BTBD9: variants seen among roughly 807,000 people sequenced by gnomAD.
The protein encoded by BTBD9 is BTB domain containing 9, also known as BTB/POZ domain-containing protein 9.
Under a neutral mutation model 64.3 loss-of-function variants are expected in BTBD9, and 49 were observed. The observed-to-expected ratio is 0.76, with a 90% CI of 0.61 to 0.97. BTBD9 has a LOEUF of 0.97. Ranked by LOEUF, BTBD9 falls within the 50% of genes least tolerant of loss-of-function variation. The pLI, the probability that BTBD9 is intolerant of heterozygous loss-of-function variation, is 0.00. For synonymous variants in BTBD9, 260 were observed against 274.7 expected (o/e 0.95, Z 0.53); for missense variants, 598 against 762.1 (o/e 0.78, Z 2.53).
chr6:38,412,767 G>A (rs1562148350), intron 6 of BTBD9, among the ~76,000 whole-genome samples: 2 of 152,188 alleles, frequency 1.3e-5, no homozygotes, highest in South Asian at 2.1e-4. Flanking sequence ...GCTGAGGCTG[G>A]AGAATCACCT....
chr6:38,406,249 A>G (rs1050959720), intron 6 of BTBD9, among the ~76,000 whole-genome samples: 1 of 152,186 alleles, frequency 6.6e-6, no homozygotes, highest in Non-Finnish European at 1.5e-5. Context: ...AAGAGTAACC[A>G]TAAGGAGCAT....
chr6:38,407,539 T>C (rs1169045094), intron 6 of BTBD9, among the ~76,000 whole-genome samples: 1 of 151,984 alleles, frequency 6.6e-6, no homozygotes, highest in Non-Finnish European at 1.5e-5. Context: ...CCTTGCAGAG[T>C]CTAGCTGGGG....
rs534899699 is a variant in BTBD9, at chr6:38,241,620, C to T, written c.1562+14789G>A. Among the ~76,000 whole-genome samples, 5 of 152,356 alleles carry T rather than the reference C, an allele frequency of 3.3e-5. No individual in the cohort carries two copies. The South Asian group carries it at 1.0e-3, about 32-fold the overall frequency. ...AAATGTGTGCAATTCCAGATGATCA[C>T]CACTCTGAAACTATACTTTAGAACT... is the stretch of plus-strand genomic sequence containing the variant. On this transcript the variant is annotated intron_variant, in intron 9 of 10. Coordinates refer to ENST00000481247, the MANE Select transcript of BTBD9 (RefSeq NM_001099272.2).
At chr6:38,338,421 G>A (rs1355416075) in intron 7 of BTBD9, among the ~76,000 whole-genome samples, 1 of 152,138 alleles carries the variant, frequency 6.6e-6, no homozygotes. Flanking sequence ...CAAAACCACA[G>A]ATAAGGGGGT....
chr6:38,200,353 A>G (rs1762417198), intron 9 of BTBD9, among the ~76,000 whole-genome samples: 1 of 152,260 alleles, frequency 6.6e-6, no homozygotes, highest in Non-Finnish European at 1.5e-5. Flanking sequence ...AATGTACCTC[A>G]AGAAACTAGA....
At chr6:38,504,541 T>C (rs1772375395) in intron 6 of BTBD9, 1 of 456,876 alleles carries the variant, frequency 2.2e-6, no homozygotes. Context: ...CCTCTTCTCC[T>C]GTATCATAGA....
In BTBD9 at chr6:38,192,529, G is replaced by A; in HGVS notation, c.1631C>T (p.Thr544Ile). ...AAAAGAGACCCTTACCTCATTTGCT[G>A]TGTTGTGTGTCCCAACGATACGGAT... Reference protein sequence around the residue: ...SFIRIVGTHNTANEVFHCVHF... With the variant: ...SFIRIVGTHNIANEVFHCVHF... Residue 544 changes from threonine to isoleucine, a missense_variant, in exon 10 of 11, where the codon ACA becomes ATA. Thr to Ile is a moderately conservative substitution (Grantham distance 89). Coordinates refer to ENST00000481247, the MANE Select transcript of BTBD9 (RefSeq NM_001099272.2). The A allele has an allele frequency of 6.2e-7, 1 of 1,613,670 alleles. No homozygotes were observed. Among genetic ancestry groups the A allele is most frequent in the Non-Finnish European group, 8.5e-7 (1 of 1,179,762 alleles).
intron 9 of BTBD9, among the ~76,000 whole-genome samples, chr6:38,201,076 C>T (rs1352013137): frequency 6.6e-6 from 1 of 151,886 alleles, no homozygotes; most frequent in Non-Finnish European, 1.5e-5. Context: ...GGAGGGAATA[C>T]TCCTTAACTC....
At chr6:38,438,116 A>T (rs541726738) in intron 6 of BTBD9, among the ~76,000 whole-genome samples, 1 of 151,664 alleles carries the variant, frequency 6.6e-6, no homozygotes, top group African/African-American at 2.4e-5. Flanking sequence ...ATTTGTAGAA[A>T]GGATCTAGCT....
At chr6:38,282,099 T>C (rs908925890) in intron 8 of BTBD9, among the ~76,000 whole-genome samples, 6 of 152,196 alleles carry the variant, frequency 3.9e-5, no homozygotes, top group Admixed American at 6.5e-5. Context: ...AGAGGGACTA[T>C]AAACTAAGAC....
intron 8 of BTBD9, among the ~76,000 whole-genome samples, chr6:38,273,398 C>T (rs776457215): frequency 5.3e-5 from 8 of 152,186 alleles, no homozygotes; most frequent in Admixed American, 1.3e-4. Flanking sequence ...TCCTGGACTA[C>T]GGTCCAGCTG....
In BTBD9 at chr6:38,168,631, C is replaced by G. The variant is rs1355517398; in HGVS notation, c.*6354G>C. 1 of 152,294 alleles carries G rather than the reference C, an allele frequency of 6.6e-6. No homozygotes were observed. Among genetic ancestry groups the G allele is most frequent in the South Asian group, 2.1e-4 (1 of 4,830 alleles). The allele number at this position is 152,294 out of a possible 1,614,324, so 9.4% of individuals were successfully genotyped here. On this transcript the variant is annotated 3_prime_UTR_variant, in exon 11 of 11. Coordinates refer to ENST00000481247, the MANE Select transcript of BTBD9 (RefSeq NM_001099272.2). ...CCACATAGCAGCACAGCCTTTTGGG[C>G]ATCTTTGGAGTTTTAGACGGAGCTT...
At chr6:38,629,434 A>G (rs1778285695) in intron 1 of BTBD9, among the ~76,000 whole-genome samples, 1 of 152,256 alleles carries the variant, frequency 6.6e-6, no homozygotes, top group Non-Finnish European at 1.5e-5. Flanking sequence ...CAAATGAAGC[A>G]CTGAGAAAAA....
chr6:38,317,247 G>A (rs766621184), intron 7 of BTBD9, among the ~76,000 whole-genome samples: 2 of 151,914 alleles, frequency 1.3e-5, no homozygotes, highest in Admixed American at 6.6e-5. Context: ...TACCAGCCTC[G>A]GCCTCCCAAA....
chr6:38,351,879 T>G (rs1049444647), intron 6 of BTBD9, among the ~76,000 whole-genome samples: 2 of 152,186 alleles, frequency 1.3e-5, no homozygotes, highest in Non-Finnish European at 2.9e-5. Flanking sequence ...ATCTAAAACC[T>G]GCCATGATGT....
At chr6:38,341,190 A>G (rs993994987) in intron 7 of BTBD9, among the ~76,000 whole-genome samples, 7 of 152,222 alleles carry the variant, frequency 4.6e-5, no homozygotes, top group Non-Finnish European at 8.8e-5. Context: ...TACTCAACCT[A>G]TAAAAACACA....
At chr6:38,469,016 T>C (rs1770517914) in intron 6 of BTBD9, among the ~76,000 whole-genome samples, 1 of 152,062 alleles carries the variant, frequency 6.6e-6, no homozygotes, top group Non-Finnish European at 1.5e-5. Context: ...TTTCAATCCT[T>C]ACTAAGGAAA....
intron 1 of BTBD9, among the ~76,000 whole-genome samples, chr6:38,608,324 A>C (rs1777497046): frequency 6.6e-6 from 1 of 152,168 alleles, no homozygotes; most frequent in Non-Finnish European, 1.5e-5. Flanking sequence ...GAGCAGAAAA[A>C]TATATGCACC....
intron 9 of BTBD9, among the ~76,000 whole-genome samples, chr6:38,194,318 T>C (rs533473435): frequency 3.4e-4 from 52 of 152,206 alleles, no homozygotes; most frequent in African/African-American, 1.2e-3. Flanking sequence ...CAGAGTCCCA[T>C]CCCTGTCCCT....
Sources: allele counts gnomAD v4.1 joint callset (sites outside exome capture counted in the v4.1 genomes callset), GRCh38; gene constraint gnomAD v4.1.1; transcripts MANE v1.5; gene names NCBI Gene and HGNC (gene_info 2026-07-23, HGNC 2026-07-21).